The following NIBAN1 variants were observed in gnomAD, a reference collection of about 807,000 sequenced individuals.
NIBAN1 encodes the protein niban apoptosis regulator 1.
NIBAN1 carries 81 observed loss-of-function variants against 75.1 expected under a neutral mutation model. That is an observed-to-expected ratio of 1.08 (90% CI 0.90 to 1.30). The LOEUF is 1.30. Ranked by LOEUF, NIBAN1 falls within the 50% of genes most tolerant of loss-of-function variation. The pLI is 0.00. For missense variants in NIBAN1, 1,133 were observed against 1,128.1 expected (o/e 1.00, Z -0.06); for synonymous variants, 436 against 424.8 (o/e 1.03, Z -0.32).
chr1:184,823,282 T>A lies in NIBAN1; in HGVS notation c.870A>T (p.Gly290=). ...YTLVQHQVSE[G]LSALKEECRA... is the part of the protein sequence containing the mutation. ...TGCATTCCTCCTTCAAGGCACTTAA[T>A]CCTTCTGAAACTTGATGCTGAACCA... The change falls in exon 8 of 14, where the codon GGA becomes GGT. Residue 290 remains glycine (G), a synonymous_variant. Transcript: ENST00000367511. 6.2e-7 allele frequency: 1 copy of A among 1,614,164 alleles called. No individual in the cohort carries two copies. Among genetic ancestry groups the A allele is most frequent in the South Asian group, 1.1e-5 (1 of 91,084 alleles).
chr1:184,823,200 T>C lies in NIBAN1; in HGVS notation c.952A>G (p.Asn318Asp). 1 of 1,614,194 alleles carries C rather than the reference T, an allele frequency of 6.2e-7. No homozygotes were observed. Among genetic ancestry groups the C allele is most frequent in the Non-Finnish European group, 8.5e-7 (1 of 1,180,016 alleles). Residue 318 changes from asparagine (N) to aspartate (D), a missense_variant, in exon 8 of 14, where the codon AAC becomes GAC. Coordinates refer to ENST00000367511, the MANE Select transcript of NIBAN1 (RefSeq NM_052966.4). ...TIRSDMDQIV[N>D]SKNYLIGKIK... ...TTTCCAATTAAATAGTTCTTTGAGT[T>C]CACAATCTGATCCATGTCAGAACGG...
intron 5 of NIBAN1, among the ~76,000 whole-genome samples, chr1:184,872,239 C>A (rs10911655): frequency 2.0e-5 from 3 of 150,046 alleles, no homozygotes; most frequent in Admixed American, 2.0e-4. Flanking sequence ...AGAAAAAGAA[C>A]GAAAATAATT....
chr1:184,795,194 T>C lies in NIBAN1; in HGVS notation c.2570A>G (p.Gln857Arg), dbSNP rs761672300. The change falls in exon 14 of 14, where the codon CAG becomes CGG. Residue 857 changes from glutamine to arginine, a missense_variant. Transcript: ENST00000367511. ...GSDPICLSES[Q>R]VSEEQEEMGG... ...CATCTCTTCTTGTTCCTCAGAAACC[T>C]GGCTCTCACTGAGGCAGATGGGGTC... is the stretch of plus-strand genomic sequence containing the variant. The C allele has an allele frequency of 4.3e-6, 7 of 1,614,062 alleles. No homozygotes were observed. Among genetic ancestry groups the C allele is most frequent in the South Asian group, 1.1e-5 (1 of 91,094 alleles).
chr1:184,963,788 C>A (rs1398734662), intron 1 of NIBAN1, among the ~76,000 whole-genome samples: 1 of 152,094 alleles, frequency 6.6e-6, no homozygotes, highest in Non-Finnish European at 1.5e-5. Flanking sequence ...ATGTGCCATA[C>A]TAAGGTTTGA....
chr1:184,845,204 A>T (rs980883551), intron 5 of NIBAN1, among the ~76,000 whole-genome samples: 2 of 152,214 alleles, frequency 1.3e-5, no homozygotes, highest in African/African-American at 4.8e-5. Flanking sequence ...TCACTAAGGG[A>T]TCCATTTAAC....
chr1:184,936,644 T>C (rs1367467390), intron 1 of NIBAN1, among the ~76,000 whole-genome samples: 2 of 152,188 alleles, frequency 1.3e-5, no homozygotes, highest in African/African-American at 4.8e-5. Context: ...CTGGGACTCC[T>C]GGGCTTGTGG....
intron 4 of NIBAN1, among the ~76,000 whole-genome samples, chr1:184,889,869 C>T (rs1197641930): frequency 6.6e-6 from 1 of 152,178 alleles, no homozygotes. Context: ...ATACTTTGTA[C>T]CAGATAACTC....
At chr1:184,917,185 C>A (rs553309907) in intron 1 of NIBAN1, among the ~76,000 whole-genome samples, 2 of 150,348 alleles carry the variant, frequency 1.3e-5, no homozygotes, top group Admixed American at 1.3e-4. Flanking sequence ...TTCTTATCCC[C>A]ATGACTATCT....
At chr1:184,834,814 C>T (rs937200389) in intron 5 of NIBAN1, among the ~76,000 whole-genome samples, 3 of 152,148 alleles carry the variant, frequency 2.0e-5, no homozygotes, top group Admixed American at 6.5e-5. Flanking sequence ...TGCCTGTTCA[C>T]TCTGATGGTA....
At chr1:184,804,940 C>T (rs1040698614) in intron 11 of NIBAN1, among the ~76,000 whole-genome samples, 1 of 152,058 alleles carries the variant, frequency 6.6e-6, no homozygotes, top group African/African-American at 2.4e-5. Flanking sequence ...AGGTGCCCAC[C>T]ACCACACCCG....
intron 5 of NIBAN1, among the ~76,000 whole-genome samples, chr1:184,834,752 T>TA (rs1314850658): frequency 6.6e-6 from 1 of 152,252 alleles, no homozygotes; most frequent in Admixed American, 6.5e-5. Context: ...TTCTGGATAT[T>TA]AGCCCTTTGC....
intron 9 of NIBAN1, among the ~76,000 whole-genome samples, chr1:184,812,915 C>T (rs1487020894): frequency 6.6e-6 from 1 of 152,200 alleles, no homozygotes; most frequent in Admixed American, 6.5e-5. Flanking sequence ...TTTCTCTGAG[C>T]ATCTGGGAGA....
intron 7 of NIBAN1, 43 bp downstream of exon 7, chr1:184,823,595 C>A: frequency 6.3e-7 from 1 of 1,590,922 alleles, no homozygotes; most frequent in Non-Finnish European, 8.6e-7. Flanking sequence ...AGAGAATGTT[C>A]CCATTTTGAG....
At chr1:184,961,451 C>T (rs1658642708) in intron 1 of NIBAN1, among the ~76,000 whole-genome samples, 1 of 152,152 alleles carries the variant, frequency 6.6e-6, no homozygotes, top group African/African-American at 2.4e-5. Flanking sequence ...AATACCACAG[C>T]CAAGTCTATC....
Position 184,806,063 on chromosome 1 carries a change from A to T in NIBAN1, c.1336-7T>A. ...ACACTGCATTCTCCATTAGCTAGAA[A>T]CCAGAAGCGACACAGAAACAGACAA... On this transcript the variant is annotated splice_polypyrimidine_tract_variant and splice_region_variant and intron_variant, in intron 10 of 13. Coordinates refer to ENST00000367511, the MANE Select transcript of NIBAN1 (RefSeq NM_052966.4). The T allele has an allele frequency of 1.2e-6, 2 of 1,609,838 alleles. No homozygotes were observed. Among genetic ancestry groups the T allele is most frequent in the Non-Finnish European group, 1.7e-6 (2 of 1,176,576 alleles).
intron 5 of NIBAN1, among the ~76,000 whole-genome samples, chr1:184,871,223 T>C (rs1274807314): frequency 6.6e-6 from 1 of 151,810 alleles, no homozygotes; most frequent in Non-Finnish European, 1.5e-5. Context: ...GGTGTGTGCC[T>C]GTAATCCCAG....
intron 10 of NIBAN1, among the ~76,000 whole-genome samples, chr1:184,807,608 T>C (rs1654241534): frequency 6.6e-6 from 1 of 152,024 alleles, no homozygotes; most frequent in Admixed American, 6.5e-5. Context: ...GCCAACACAG[T>C]AAAAACCCCA....
chr1:184,804,643 T>A (rs1436048952), intron 11 of NIBAN1, among the ~76,000 whole-genome samples: 1 of 152,148 alleles, frequency 6.6e-6, no homozygotes, highest in Non-Finnish European at 1.5e-5. Flanking sequence ...GTCCTAATAT[T>A]TCAACACCTT....
At chr1:184,888,319 C>T (rs900478571) in intron 4 of NIBAN1, 1 of 152,174 alleles carries the variant, frequency 6.6e-6, no homozygotes, top group Non-Finnish European at 1.5e-5. Flanking sequence ...ATCACAGAGT[C>T]AGTCTTCTTG....
Sources: allele counts gnomAD v4.1 joint callset (sites outside exome capture counted in the v4.1 genomes callset), GRCh38; gene constraint gnomAD v4.1.1; transcripts MANE v1.5; gene names NCBI Gene and HGNC (gene_info 2026-07-23, HGNC 2026-07-21).